Variants in TMPRSS11B observed in about 807,000 individuals in gnomAD.
TMPRSS11B encodes the protein transmembrane serine protease 11B, also known as transmembrane protease serine 11B.
TMPRSS11B carries 53 observed loss-of-function variants against 44.7 expected under a neutral mutation model. That is an observed-to-expected ratio of 1.19 (90% CI 0.95 to 1.49). TMPRSS11B has a LOEUF of 1.49. TMPRSS11B is among the 40% of genes most tolerant of loss of function. TMPRSS11B has a pLI of 0.00. For synonymous variants in TMPRSS11B, 140 were observed against 159.2 expected (o/e 0.88, Z 0.91); for missense variants, 526 against 494.8 (o/e 1.06, Z -0.60).
chr4:68,232,511 C>A, intron 5 of TMPRSS11B, 95 bp from the exon 6 acceptor site: 1 of 1,118,874 alleles, frequency 8.9e-7, no homozygotes, highest in Non-Finnish European at 1.3e-6. Flanking sequence ...TTTCCTAACC[C>A]AATATTGTCC....
At chr4:68,228,954 G>A (rs1301922599) in intron 8 of TMPRSS11B, 70 bp from the exon 9 acceptor site, 2 of 1,498,692 alleles carry the variant, frequency 1.3e-6, no homozygotes, top group Non-Finnish European at 1.8e-6. Context: ...TCTACCTATA[G>A]CATAAAGCAG....
chr4:68,239,196 C>G (rs1479544112), intron 2 of TMPRSS11B, among the ~76,000 whole-genome samples: 1 of 152,290 alleles, frequency 6.6e-6, no homozygotes, highest in Admixed American at 6.5e-5. Flanking sequence ...GGTTGAGACA[C>G]GAATCCAATA....
Position 68,228,043 on chromosome 4 carries a change from A to G in TMPRSS11B, c.1119T>C (p.Pro373=). 1.2e-6 allele frequency: 2 copies of G among 1,611,162 alleles called. No individual in the cohort carries two copies. Among genetic ancestry groups the G allele is most frequent in the South Asian group, 1.1e-5 (1 of 90,356 alleles). Reference sequence around the variant, plus strand: ...CAAGATGCCAGATATTTCTGGAATCAGGGTAAGCTAGTGGTCCACCAGAAT... The same window carrying G: ...CAAGATGCCAGATATTTCTGGAATCGGGGTAAGCTAGTGGTCCACCAGAAT... The part of the protein sequence containing the change: ...QNDSGGPLAY[P]DSRNIWHLVG... The change falls in exon 10 of 10, where the codon CCT becomes CCC. Residue 373 remains proline (P), a synonymous_variant. Coordinates refer to ENST00000332644, the MANE Select transcript of TMPRSS11B (RefSeq NM_182502.3).
At position 68,227,718 on chromosome 4, in the gene TMPRSS11B, C is replaced by T. The variant is rs1038594501; in HGVS notation, c.*193G>A. On this transcript the variant is annotated 3_prime_UTR_variant, in exon 10 of 10. Transcript: ENST00000332644. Reference sequence around the variant, plus strand: ...CACTACACCTGGCCTCTTCCTATCTCTTACATTAATTTAAAAGATTAATAA... The same window carrying T: ...CACTACACCTGGCCTCTTCCTATCTTTTACATTAATTTAAAAGATTAATAA... 13 of 261,486 alleles carry T rather than the reference C, an allele frequency of 5.0e-5. No individual in the cohort carries two copies. In the Admixed American group the frequency reaches 7.5e-4, roughly 15 times the overall value. The allele number at this position is 261,486 out of a possible 1,614,324, so 16.2% of individuals were successfully genotyped here.
In TMPRSS11B at chr4:68,238,466, G is replaced by A. The variant is rs534462021; in HGVS notation, c.125-2200C>T. Among the ~76,000 whole-genome samples, 4 of 151,888 alleles carry A rather than the reference G, an allele frequency of 2.6e-5. No homozygotes were observed. The South Asian group carries it at 8.3e-4, about 32-fold the overall frequency. On this transcript the variant is annotated intron_variant, in intron 2 of 9. Transcript: ENST00000332644. ...CAGCCTGGTGCGGTGGCTCCCAGCT[G>A]TAATCCCAGAACTTTGGAGGCAGAG... is the stretch of plus-strand genomic sequence containing the variant.
At chr4:68,228,683 A>G in intron 9 of TMPRSS11B, 59 bp downstream of exon 9, 1 of 1,541,208 alleles carries the variant, frequency 6.5e-7, no homozygotes, top group South Asian at 1.3e-5. Flanking sequence ...TTTTATGTGG[A>G]TAAAAACTTC....
intron 5 of TMPRSS11B, among the ~76,000 whole-genome samples, chr4:68,233,462 A>T (rs752988714): frequency 6.6e-6 from 1 of 152,128 alleles, no homozygotes; most frequent in Non-Finnish European, 1.5e-5. Flanking sequence ...AACCTTCACA[A>T]TCTTTACAAA....
At chr4:68,239,694 A>G (rs1164453135) in intron 2 of TMPRSS11B, among the ~76,000 whole-genome samples, 1 of 152,130 alleles carries the variant, frequency 6.6e-6, no homozygotes, top group East Asian at 1.9e-4. Flanking sequence ...AGATTTTATT[A>G]CCTCTCTAAA....
At chr4:68,232,245 C>G in intron 6 of TMPRSS11B, 133 bp downstream of exon 6, 1 of 638,888 alleles carries the variant, frequency 1.6e-6, no homozygotes, top group Non-Finnish European at 2.6e-6. Flanking sequence ...AAGTCAATAT[C>G]TGGTATATCT....
chr4:68,241,493 T>C (rs2109964345), intron 2 of TMPRSS11B, among the ~76,000 whole-genome samples, 196 bp downstream of exon 2: 1 of 152,200 alleles, frequency 6.6e-6, no homozygotes, highest in South Asian at 2.1e-4. Context: ...ACCCCCATAG[T>C]TAGTGATATA....
intron 4 of TMPRSS11B, 58 bp from the exon 5 acceptor site, chr4:68,234,681 A>T: frequency 1.3e-6 from 2 of 1,547,176 alleles, no homozygotes; most frequent in Admixed American, 3.9e-5. Flanking sequence ...AGGTTTTGTG[A>T]ACACATTAAA....
chr4:68,243,565 T>C (rs1196743547), intron 1 of TMPRSS11B, among the ~76,000 whole-genome samples: 1 of 152,164 alleles, frequency 6.6e-6, no homozygotes, highest in Non-Finnish European at 1.5e-5. Context: ...CATACCAGAA[T>C]GCTGTTGTTT....
At chr4:68,234,691 A>AATGTGTGAAATTTAATG in intron 4 of TMPRSS11B, 68 bp from the exon 5 acceptor site, 1 of 1,478,910 alleles carries the variant, frequency 6.8e-7, no homozygotes, top group Admixed American at 2.1e-5. Flanking sequence ...AACACATTAA[A>AATGTGTGAAATTTAATG]TTTCACACAT....
intron 2 of TMPRSS11B, among the ~76,000 whole-genome samples, chr4:68,240,829 C>T (rs150293571): frequency 6.6e-6 from 1 of 151,920 alleles, no homozygotes; most frequent in East Asian, 1.9e-4. Context: ...GCTGAGTCAG[C>T]CAAAATTTGT....
intron 7 of TMPRSS11B, 87 bp from the exon 8 acceptor site, chr4:68,229,603 T>G: frequency 7.8e-7 from 1 of 1,286,934 alleles, no homozygotes; most frequent in South Asian, 1.6e-5. Context: ...TTTTAAGGCA[T>G]GAGGTTCCCA....
Position 68,228,082 on chromosome 4 carries a change from G to T in TMPRSS11B, c.1090-10C>A. The T allele has an allele frequency of 3.2e-6, 5 of 1,580,782 alleles. No homozygotes were observed. The highest frequency in any genetic ancestry group is 4.3e-6 in the Non-Finnish European group (5 of 1,169,654). ...GTCCACCAGAATCATTCTAGAAGAA[G>T]AAAAGAAAAAAATGTTTCTTGTCTT... On this transcript the variant is annotated splice_polypyrimidine_tract_variant and intron_variant, in intron 9 of 9. Transcript: ENST00000332644.
intron 9 of TMPRSS11B, among the ~76,000 whole-genome samples, 198 bp from the exon 10 acceptor site, chr4:68,228,270 T>C (rs1183329768): frequency 1.3e-5 from 2 of 152,118 alleles, no homozygotes; most frequent in African/African-American, 4.8e-5. Context: ...CTGCCAAATG[T>C]TGACTTGAGC....
At position 68,232,397 on chromosome 4, in the gene TMPRSS11B, A is replaced by G. The variant is rs10018067; in HGVS notation, c.489T>C (p.Ser163=). The G allele has an allele frequency of 5.0e-3, 7,985 of 1,612,400 alleles. 241 individuals are homozygous for G. The African/African-American group carries it at 0.081, about 16-fold the overall frequency. The change falls in exon 6 of 10, where the codon TCT becomes TCC. Residue 163 remains serine, a synonymous_variant. Transcript: ENST00000332644. ...ACTTACAGTTGTTGGTAAGCATTTC[A>G]GAAGCAGCCTTGCTGATTTCTGAAA... ...IKLMEISKAA[S]EMLTNNCCGR...
intron 4 of TMPRSS11B, among the ~76,000 whole-genome samples, chr4:68,235,147 C>T (rs1337362140): frequency 6.6e-6 from 1 of 152,064 alleles, no homozygotes; most frequent in Non-Finnish European, 1.5e-5. Flanking sequence ...AATTCTAAAG[C>T]ATGAAGGACA....
Sources: gnomAD v4.1 joint callset for allele counts (sites outside exome capture counted in the v4.1 genomes callset) on GRCh38, gnomAD v4.1.1 for gene constraint, MANE v1.5 for transcripts, NCBI Gene and HGNC (gene_info 2026-07-23, HGNC 2026-07-21) for gene names.